The following CYP4V2 variants were observed in gnomAD, a reference collection of about 807,000 sequenced individuals.
The protein encoded by CYP4V2 is cytochrome P450 family 4 subfamily V member 2.
A neutral mutation model predicts 60.8 loss-of-function variants in CYP4V2; 55 were observed. That is an observed-to-expected ratio of 0.90 (90% CI 0.73 to 1.13). The LOEUF (loss-of-function observed/expected upper bound fraction) is 1.13. Ranked by LOEUF, CYP4V2 falls within the 50% of genes most tolerant of loss-of-function variation. The pLI is 0.00. For missense variants in CYP4V2, 675 were observed against 662.9 expected (o/e 1.02, Z -0.20); for synonymous variants, 239 against 236.8 (o/e 1.01, Z -0.08).
Position 186,197,080 on chromosome 4 carries a change from C to G in CYP4V2, c.554C>G (p.Ala185Gly), listed in dbSNP as rs758719879. 2 of 1,613,776 alleles carry G rather than the reference C, an allele frequency of 1.2e-6. No individual in the cohort carries two copies. Among genetic ancestry groups the G allele is most frequent in the African/African-American group, 2.7e-5 (2 of 74,924 alleles). ...KKLEKHINQE[A>G]FNCFFYITLC... ...CTTGAAAAACACATTAACCAAGAAGCATTTAACTGCTTTTTTTACATCACT... is the reference window on the plus strand; with the variant it reads ...CTTGAAAAACACATTAACCAAGAAGGATTTAACTGCTTTTTTTACATCACT... Residue 185 changes from alanine (A) to glycine (G), a missense_variant, in exon 4 of 11, where the codon GCA becomes GGA. By Grantham distance (60) the Ala-to-Gly change is moderately conservative. Transcript: ENST00000378802.
chr4:186,196,805 CCTGTAGATGAAG>C, intron 3 of CYP4V2, 123 bp from the exon 4 acceptor site: 1 of 774,936 alleles, frequency 1.3e-6, no homozygotes, highest in East Asian at 2.7e-5. Flanking sequence ...CATTTGAGAA[CCTGTAGATGAAG>C]CTGTTTCAGG....
intron 8 of CYP4V2, among the ~76,000 whole-genome samples, chr4:186,205,861 G>A (rs372492805): frequency 6.6e-6 from 1 of 152,142 alleles, no homozygotes; most frequent in African/African-American, 2.4e-5. Flanking sequence ...GACGTTCCAA[G>A]CATCACGTTC....
chr4:186,197,582 G>GT lies in CYP4V2; in HGVS notation c.655dup (p.Tyr219LeufsTer7). 3 of 1,614,188 alleles carry GT rather than the reference G, an allele frequency of 1.9e-6. No individual in the cohort carries two copies. The highest frequency in any genetic ancestry group is 2.5e-6 in the Non-Finnish European group (3 of 1,180,022). On this transcript the variant is annotated frameshift_variant, in exon 5 of 11. Transcript: ENST00000378802. LOFTEE classifies it high-confidence loss of function. ...GTGCTCAAAGTAATGATGATTCCGA[G>GT]TATGTCCGTGCAGTTTATAGGTAAA...
At chr4:186,207,076 C>G (rs1317907732) in intron 8 of CYP4V2, among the ~76,000 whole-genome samples, 2 of 151,908 alleles carry the variant, frequency 1.3e-5, no homozygotes, top group African/African-American at 4.8e-5. Flanking sequence ...CTCATTGTGC[C>G]TCACTTTTTC....
chr4:186,191,797 T>C lies in CYP4V2; in HGVS notation c.-27T>C, dbSNP rs539879036. ...CCCGCGGGCCCGCACTTTCCCGGAG[T>C]GCACCCCGCGGCCGCCAGCCGGGGC... On this transcript the variant is annotated 5_prime_UTR_variant, in exon 1 of 11. Coordinates refer to ENST00000378802, the MANE Select transcript of CYP4V2 (RefSeq NM_207352.4). 6.6e-7 allele frequency: 1 copy of C among 1,510,744 alleles called. No individual in the cohort carries two copies. Among genetic ancestry groups the C allele is most frequent in the African/African-American group, 1.4e-5 (1 of 70,750 alleles). 93.6% of individuals were successfully genotyped at this position (1,510,744 alleles called of 1,614,324 possible). A position where few individuals can be genotyped will look rare whatever the true frequency, so the allele number is the denominator to read the frequency against.
intron 8 of CYP4V2, 45 bp from the exon 9 acceptor site, chr4:186,208,820 C>G: frequency 6.2e-7 from 1 of 1,613,886 alleles, no homozygotes; most frequent in Non-Finnish European, 8.5e-7. Flanking sequence ...GCACCCCCAG[C>G]CCCCACTGCT....
chr4:186,205,191 C>T lies in CYP4V2; in HGVS notation c.988-9C>T, dbSNP rs1391055809. 2 of 1,613,694 alleles carry T rather than the reference C, an allele frequency of 1.2e-6. No individual in the cohort carries two copies. Among genetic ancestry groups the T allele is most frequent in the Admixed American group, 3.3e-5 (2 of 60,028 alleles). Reference sequence around the variant, plus strand: ...CTGCTTTTTAAGCTATTGTTTTCTGCATTTGTAGGGGCACGATACAACTGC... The same window carrying T: ...CTGCTTTTTAAGCTATTGTTTTCTGTATTTGTAGGGGCACGATACAACTGC... On this transcript the variant is annotated splice_polypyrimidine_tract_variant and intron_variant, in intron 7 of 10. Coordinates refer to ENST00000378802, the MANE Select transcript of CYP4V2 (RefSeq NM_207352.4).
intron 3 of CYP4V2, 54 bp from the exon 4 acceptor site, chr4:186,196,886 T>TTC (rs35200327): frequency 7.6e-5 from 115 of 1,512,598 alleles, no homozygotes; most frequent in Middle Eastern, 2.4e-4. Flanking sequence ...ACTTTTCTCT[T>TTC]TCTCTCTCTC....
At position 186,194,519 on chromosome 4, in the gene CYP4V2, T is replaced by C; in HGVS notation, c.234T>C (p.Ile78=). The C allele has an allele frequency of 6.2e-7, 1 of 1,614,180 alleles. No homozygotes were observed. The highest frequency in any genetic ancestry group is 8.5e-7 in the Non-Finnish European group (1 of 1,179,996). The change falls in exon 2 of 11, where the codon ATT becomes ATC. Residue 78 remains isoleucine, a synonymous_variant. Transcript: ENST00000378802. The part of the protein sequence containing the change: ...PDGREFFQQI[I]EYTEEYRHMP... Reference sequence around the variant, plus strand: ...CCCCAGAATTTTTTCAGCAGATCATTGAGTACACAGAGGAATACCGCCACA... The same window carrying C: ...CCCCAGAATTTTTTCAGCAGATCATCGAGTACACAGAGGAATACCGCCACA...
rs1312890284 is a variant in CYP4V2, at chr4:186,191,891, C to T, written c.68C>T (p.Ser23Phe). The change falls in exon 1 of 11, where the codon TCC (serine) becomes TTC (phenylalanine). Residue 23 changes from serine to phenylalanine, a missense_variant. Transcript: ENST00000378802. ...LLLWGAASALSLAGASLVLSL... is the reference protein window; with the variant it reads ...LLLWGAASALFLAGASLVLSL... ...CTGTGGGGCGCGGCGAGTGCCCTTT[C>T]CCTGGCCGGCGCCAGTCTGGTCCTG... is the stretch of plus-strand genomic sequence containing the variant. The T allele has an allele frequency of 6.3e-7, 1 of 1,590,952 alleles. No homozygotes were observed. The highest frequency in any genetic ancestry group is 8.5e-7 in the Non-Finnish European group (1 of 1,172,812).
At position 186,205,186 on chromosome 4, in the gene CYP4V2, T is replaced by C; in HGVS notation, c.988-14T>C. 1 of 1,613,488 alleles carries C rather than the reference T, an allele frequency of 6.2e-7. No individual in the cohort carries two copies. The highest frequency in any genetic ancestry group is 1.1e-5 in the South Asian group (1 of 91,074). The stretch of plus-strand genomic sequence containing the variant: ...TAACTCTGCTTTTTAAGCTATTGTT[T>C]TCTGCATTTGTAGGGGCACGATACA... On this transcript the variant is annotated splice_polypyrimidine_tract_variant and intron_variant, in intron 7 of 10. Coordinates refer to ENST00000378802, the MANE Select transcript of CYP4V2 (RefSeq NM_207352.4).
chr4:186,197,659 T>C, intron 5 of CYP4V2, 57 bp downstream of exon 5: 1 of 1,562,280 alleles, frequency 6.4e-7, no homozygotes, highest in Non-Finnish European at 8.8e-7. Context: ...GCTTTAAAAA[T>C]TATTGCTAAC....
Position 186,210,714 on chromosome 4 carries a change from C to T in CYP4V2, c.*73C>T, listed in dbSNP as rs1163874079. On this transcript the variant is annotated 3_prime_UTR_variant, in exon 11 of 11. Transcript: ENST00000378802. ...AGAGATCCTTGTCATTTACAATTTA[C>T]AGATCATGAGTTCAATATGCTTGAA... 1.3e-6 allele frequency: 2 copies of T among 1,584,226 alleles called. No homozygotes were observed. Among genetic ancestry groups the T allele is most frequent in the East Asian group, 2.3e-5 (1 of 44,108 alleles).
intron 1 of CYP4V2, among the ~76,000 whole-genome samples, chr4:186,192,725 G>A (rs1736026995): frequency 6.6e-6 from 1 of 152,138 alleles, no homozygotes; most frequent in Non-Finnish European, 1.5e-5. Context: ...GCTCTCAAAA[G>A]TACCTGGTAT....
At chr4:186,198,333 T>C (rs1317208460) in intron 5 of CYP4V2, among the ~76,000 whole-genome samples, 1 of 152,204 alleles carries the variant, frequency 6.6e-6, no homozygotes, top group Non-Finnish European at 1.5e-5. Flanking sequence ...TCATGAACTG[T>C]AATAATTGCT....
intron 4 of CYP4V2, 198 bp downstream of exon 4, chr4:186,197,328 T>TGCCCAGGG (rs1736180732): frequency 2.3e-6 from 2 of 851,850 alleles, no homozygotes; most frequent in South Asian, 3.1e-5. Flanking sequence ...ATGGAGCAAC[T>TGCCCAGGG]GCCCAGGGAG....
rs1735983163 is a variant in CYP4V2, at chr4:186,191,687, G to C, written c.-137G>C. On this transcript the variant is annotated 5_prime_UTR_variant, in exon 1 of 11. Coordinates refer to ENST00000378802, the MANE Select transcript of CYP4V2 (RefSeq NM_207352.4). The stretch of plus-strand genomic sequence containing the variant: ...CCCGGGCGGGAAACGTCGTTCCGGG[G>C]ACCGGGCGACCCCGCAGCGGGGAGC... 4.9e-6 allele frequency: 4 copies of C among 809,024 alleles called. No homozygotes were observed. In the South Asian group the frequency reaches 1.8e-4, roughly 36 times the overall value. 50.1% of individuals were successfully genotyped at this position (809,024 alleles called of 1,614,324 possible). A position where few individuals can be genotyped will look rare whatever the true frequency, so the allele number is the denominator to read the frequency against.
At chr4:186,198,832 T>A (rs1391997763) in intron 5 of CYP4V2, 125 bp from the exon 6 acceptor site, 3 of 1,445,340 alleles carry the variant, frequency 2.1e-6, no homozygotes. Flanking sequence ...ATGGAGCTCT[T>A]AGTAGCCTCT....
At chr4:186,204,316 G>GGCGCT (rs1736420760) in intron 7 of CYP4V2, 2 of 159,572 alleles carry the variant, frequency 1.3e-5, no homozygotes, top group Admixed American at 6.5e-5. Flanking sequence ...CGGCGGTGGA[G>GGCGCT]ACGCTACGCT....
Sources: gnomAD v4.1 joint callset for allele counts (sites outside exome capture counted in the v4.1 genomes callset) on GRCh38, gnomAD v4.1.1 for gene constraint, MANE v1.5 for transcripts, NCBI Gene and HGNC (gene_info 2026-07-23, HGNC 2026-07-21) for gene names.